Variants in GREB1 observed in about 807,000 individuals in gnomAD.
The protein encoded by GREB1 is growth regulating estrogen receptor binding 1, also known as protein GREB1.
Under a neutral mutation model 200.7 loss-of-function variants are expected in GREB1, and 106 were observed. That is an observed-to-expected ratio of 0.53 (90% CI 0.45 to 0.62). The LOEUF is 0.62. Among genes scored for constraint, GREB1 ranks in the 20% least tolerant of loss-of-function variants. GREB1 has a pLI of 0.00. For missense variants in GREB1, 2,243 were observed against 2,556.8 expected, an observed-to-expected ratio of 0.88 and a Z score of 2.65; for synonymous variants, 1,132 against 1,092.4, an observed-to-expected ratio of 1.04 and a Z score of -0.72.
At chr2:11,505,819 C>G (rs1008141770) in intron 1 of GREB1, among the ~76,000 whole-genome samples, 1 of 151,904 alleles carries the variant, frequency 6.6e-6, no homozygotes, top group Non-Finnish European at 1.5e-5. Flanking sequence ...TGCACTCCAG[C>G]CTGGGAAACA....
chr2:11,565,508 C>T (rs1677539000), intron 3 of GREB1, among the ~76,000 whole-genome samples: 1 of 152,196 alleles, frequency 6.6e-6, no homozygotes, highest in Admixed American at 6.5e-5. Context: ...GCTAAAGCTA[C>T]AGGAAGCACA....
At chr2:11,586,439 G>A (rs1050483260) in intron 9 of GREB1, among the ~76,000 whole-genome samples, 5 of 152,202 alleles carry the variant, frequency 3.3e-5, no homozygotes, top group African/African-American at 4.8e-5. Context: ...GTGGGCTAAC[G>A]TACGCTACGT....
chr2:11,629,815 C>A lies in GREB1; in HGVS notation c.4450-133C>A. On this transcript the variant is annotated intron_variant, in intron 25 of 32. Coordinates refer to ENST00000381486, the MANE Select transcript of GREB1 (RefSeq NM_014668.4). This position sits in a 1 kb window ranked among gnomAD's most constrained non-coding sequence, Gnocchi z 5.2. ...GTGTCTGCACTTTGCACTGGAGTCA[C>A]CCCGTGGGTTTCTTGTGCTGTAGGG... is the stretch of plus-strand genomic sequence containing the variant. 1 of 853,846 alleles carries A rather than the reference C, an allele frequency of 1.2e-6. No homozygotes were observed. Among genetic ancestry groups the A allele is most frequent in the Non-Finnish European group, 1.8e-6 (1 of 540,566 alleles). The allele number at this position is 853,846 out of a possible 1,614,324, so 52.9% of individuals were successfully genotyped here.
At chr2:11,490,763 G>C (rs1462162148) in intron 1 of GREB1, among the ~76,000 whole-genome samples, 1 of 121,584 alleles carries the variant, frequency 8.2e-6, no homozygotes, top group African/African-American at 2.8e-5. Context: ...TGGCCAGGCT[G>C]GTCTTGAACT....
In GREB1 at chr2:11,605,144, C is replaced by CTTTTTTTTTTTTT. The variant is rs3035991; in HGVS notation, c.2666+2622_2666+2634dup. Among the ~76,000 whole-genome samples the CTTTTTTTTTTTTT allele has an allele frequency of 1.6e-3, 71 of 44,830 alleles. 17 individuals are homozygous for CTTTTTTTTTTTTT. The highest frequency in any genetic ancestry group is 3.1e-3 in the East Asian group (3 of 976). 29.4% of individuals were successfully genotyped at this position (44,830 alleles called of 152,430 possible). On this transcript the variant is annotated intron_variant, in intron 17 of 32. Transcript: ENST00000381486. ...TGGAGCTGGGCACCAGAGCCTGCTT[C>CTTTTTTTTTTTTT]TTTTTTTTTTTTTTTTTTTTTTTTT...
At chr2:11,618,961 G>A (rs375408903) in intron 22 of GREB1, 42 bp downstream of exon 22, 10 of 1,437,646 alleles carry the variant, frequency 7.0e-6, no homozygotes, top group Admixed American at 2.7e-5. Flanking sequence ...CGGACTGGGG[G>A]GGTCCTCACA....
At chr2:11,635,234 C>T (rs200780427) in intron 29 of GREB1, 36 bp from the exon 30 acceptor site, 21 of 1,612,746 alleles carry the variant, frequency 1.3e-5, no homozygotes, top group South Asian at 2.2e-5. Flanking sequence ...GTGAGCTGTG[C>T]CCCATCAGAC....
In GREB1 at chr2:11,629,015, AC is replaced by A. The variant is rs1420427957; in HGVS notation, c.4450-931del. Reference sequence around the variant, plus strand: ...TCCTTTGCCTCCCAAGGCTCCCTTGACCTTTTTTATGAAACTGCCTCAGTGT... The same window carrying A: ...TCCTTTGCCTCCCAAGGCTCCCTTGACTTTTTTATGAAACTGCCTCAGTGT... On this transcript the variant is annotated intron_variant, in intron 25 of 32. Transcript: ENST00000381486. This position sits in a 1 kb window ranked among gnomAD's most constrained non-coding sequence, Gnocchi z 5.2. 6.6e-5 allele frequency among the ~76,000 whole-genome samples: 10 copies of A among 152,066 alleles called. No homozygotes were observed. Among genetic ancestry groups the A allele is most frequent in the Admixed American group, 1.3e-4 (2 of 15,274 alleles).
intron 1 of GREB1, among the ~76,000 whole-genome samples, chr2:11,498,561 A>G (rs1385580846): frequency 6.6e-6 from 1 of 152,208 alleles, no homozygotes; most frequent in East Asian, 1.9e-4. Context: ...GCTTCGGGAC[A>G]CCGTGAGTCA....
At position 11,637,681 on chromosome 2, in the gene GREB1, G is replaced by A. The variant is rs1286716136; in HGVS notation, c.5347-35G>A. On this transcript the variant is annotated intron_variant, in intron 30 of 32. Transcript: ENST00000381486. ...CCATGGGAAGGTCCTCGCCCCTCAG[G>A]GCAGTAGTGGCCTGACACCCCCCTT... is the stretch of plus-strand genomic sequence containing the variant. 3.1e-6 allele frequency: 5 copies of A among 1,605,114 alleles called. No homozygotes were observed. In the Admixed American group the frequency reaches 8.3e-5, roughly 27 times the overall value.
intron 1 of GREB1, among the ~76,000 whole-genome samples, chr2:11,524,372 A>G (rs551720023): frequency 6.6e-6 from 1 of 152,130 alleles, no homozygotes; most frequent in South Asian, 2.1e-4. Context: ...TGACAGAGGG[A>G]GGTGACATGT....
intron 1 of GREB1, among the ~76,000 whole-genome samples, chr2:11,520,400 A>G (rs1334120134): frequency 1.3e-5 from 2 of 152,202 alleles, no homozygotes; most frequent in African/African-American, 4.8e-5. Flanking sequence ...GCAAGGCGGC[A>G]TTCTTTTCCT....
At chr2:11,586,057 G>A (rs1271008537) in intron 9 of GREB1, 152 bp downstream of exon 9, 7 of 736,792 alleles carry the variant, frequency 9.5e-6, no homozygotes, top group African/African-American at 1.8e-5. Flanking sequence ...AAAGAACAAG[G>A]CAGAGCCAGT....
At chr2:11,615,387 T>C in intron 20 of GREB1, 97 bp downstream of exon 20, 1 of 1,073,548 alleles carries the variant, frequency 9.3e-7, no homozygotes, top group Non-Finnish European at 1.4e-6. Flanking sequence ...GACAGCTGTC[T>C]CCAGTTCAGC....
rs142079795 is a variant in GREB1, at chr2:11,630,878, G to A, written c.4611+769G>A. Among the ~76,000 whole-genome samples the A allele has an allele frequency of 1.7e-4, 26 of 152,276 alleles. 1 individual carries two copies. In the East Asian group the frequency reaches 4.8e-3, roughly 28 times the overall value. On this transcript the variant is annotated intron_variant, in intron 26 of 32. Transcript: ENST00000381486. ...AGTTGGCTGCTCTTTAACCAGCCCC[G>A]CTCAAGGCAGGCCATGTGGAGAAGC... is the stretch of plus-strand genomic sequence containing the variant.
chr2:11,535,406 T>G (rs941737186), intron 1 of GREB1, among the ~76,000 whole-genome samples: 3 of 152,126 alleles, frequency 2.0e-5, no homozygotes, highest in African/African-American at 7.2e-5. Flanking sequence ...TTTATTTATT[T>G]ATTTTTAATT....
chr2:11,571,258 G>A (rs558357164), intron 4 of GREB1, among the ~76,000 whole-genome samples: 45 of 152,238 alleles, frequency 3.0e-4, no homozygotes, highest in Middle Eastern at 3.4e-3. Context: ...GTGTGTGCTC[G>A]TCTGAGCTCA....
chr2:11,562,353 T>C, intron 2 of GREB1, 110 bp from the exon 3 acceptor site: 1 of 1,441,330 alleles, frequency 6.9e-7, no homozygotes. Flanking sequence ...ATTAGTCCCA[T>C]AGGTCCTGGG....
intron 4 of GREB1, among the ~76,000 whole-genome samples, chr2:11,571,175 A>G (rs1163734273): frequency 6.6e-6 from 1 of 152,016 alleles, no homozygotes; most frequent in South Asian, 2.1e-4. Flanking sequence ...TGAGCCAAAG[A>G]TGATCTTATT....
Sources: gnomAD v4.1 joint callset for allele counts (sites outside exome capture counted in the v4.1 genomes callset) on GRCh38, gnomAD v4.1.1 for gene constraint, Gnocchi (gnomAD v3.1) non-coding constraint, MANE v1.5 for transcripts, NCBI Gene and HGNC (gene_info 2026-07-23, HGNC 2026-07-21) for gene names.